The following SLC10A7 variants were observed in gnomAD, a reference collection of about 807,000 sequenced individuals.
The protein encoded by SLC10A7 is sodium/bile acid cotransporter 7.
A neutral mutation model predicts 43.2 loss-of-function variants in SLC10A7; 29 were observed. That is an observed-to-expected ratio of 0.67 (90% CI 0.50 to 0.92). The LOEUF is 0.92. SLC10A7 is among the 40% of genes least tolerant of loss of function. The pLI is 0.00. For missense variants in SLC10A7, 295 were observed against 403.2 expected, an observed-to-expected ratio of 0.73 and a Z score of 2.30; for synonymous variants, 152 against 144.8, an observed-to-expected ratio of 1.05 and a Z score of -0.35.
intron 4 of SLC10A7, among the ~76,000 whole-genome samples, chr4:146,467,890 T>A (rs1314487568): frequency 2.6e-5 from 4 of 152,158 alleles, no homozygotes; most frequent in African/African-American, 9.7e-5. Context: ...TGATTCAGCC[T>A]CCTGGATCTA....
chr4:146,461,170 A>T (rs1428640461), intron 4 of SLC10A7, among the ~76,000 whole-genome samples: 1 of 152,060 alleles, frequency 6.6e-6, no homozygotes, highest in Non-Finnish European at 1.5e-5. Context: ...TAAAGATGGT[A>T]AGGATTTCAT....
intron 4 of SLC10A7, among the ~76,000 whole-genome samples, chr4:146,445,440 C>A (rs986264467): frequency 5.9e-5 from 9 of 152,136 alleles, no homozygotes; most frequent in African/African-American, 1.9e-4. Context: ...TGTGCAGACC[C>A]GCGGCAGTGT....
chr4:146,301,481 G>C (rs983579869), intron 7 of SLC10A7, among the ~76,000 whole-genome samples: 1 of 152,200 alleles, frequency 6.6e-6, no homozygotes, highest in Non-Finnish European at 1.5e-5. Flanking sequence ...AGTTTTTAAG[G>C]AGAGGAATAA....
chr4:146,293,349 A>C (rs1257653435), intron 8 of SLC10A7, among the ~76,000 whole-genome samples: 1 of 152,228 alleles, frequency 6.6e-6, no homozygotes, highest in South Asian at 2.1e-4. Context: ...TTGATATTAC[A>C]ACATTAGTAA....
chr4:146,274,957 A>G (rs1186301660), intron 10 of SLC10A7, among the ~76,000 whole-genome samples: 1 of 152,178 alleles, frequency 6.6e-6, no homozygotes, highest in Admixed American at 6.5e-5. Context: ...AAATGCACCT[A>G]CACAAAACCT....
intron 5 of SLC10A7, among the ~76,000 whole-genome samples, chr4:146,391,652 T>A (rs1738437953): frequency 6.6e-6 from 1 of 152,192 alleles, no homozygotes; most frequent in South Asian, 2.1e-4. Context: ...GGTCAATACA[T>A]CTTCTCTAAA....
intron 3 of SLC10A7, among the ~76,000 whole-genome samples, chr4:146,507,113 C>G (rs145341544): frequency 3.9e-5 from 6 of 152,168 alleles, no homozygotes; most frequent in Admixed American, 3.3e-4. Flanking sequence ...AGTTACCATG[C>G]TGTACAATAG....
At chr4:146,439,929 T>C (rs1449870270) in intron 5 of SLC10A7, among the ~76,000 whole-genome samples, 4 of 152,176 alleles carry the variant, frequency 2.6e-5, no homozygotes, top group African/African-American at 7.2e-5. Flanking sequence ...CAATTTGGAA[T>C]TTCACTCCTC....
Position 146,410,958 on chromosome 4 carries a change from C to T in SLC10A7, c.435+31825G>A, listed in dbSNP as rs542535814. ...AAGCAATTCTCCTGCCTCAACCTCCCGAGTAATTGGAATTACATGAGCCAC... is the reference window on the plus strand; with the variant it reads ...AAGCAATTCTCCTGCCTCAACCTCCTGAGTAATTGGAATTACATGAGCCAC... On this transcript the variant is annotated intron_variant, in intron 5 of 11. Coordinates refer to ENST00000335472, the MANE Select transcript of SLC10A7 (RefSeq NM_001029998.6). 3.9e-5 allele frequency among the ~76,000 whole-genome samples: 6 copies of T among 152,140 alleles called. No homozygotes were observed. The South Asian group carries it at 6.2e-4, about 16-fold the overall frequency.
At chr4:146,379,431 T>G (rs1737442106) in intron 5 of SLC10A7, among the ~76,000 whole-genome samples, 1 of 152,296 alleles carries the variant, frequency 6.6e-6, no homozygotes, top group South Asian at 2.1e-4. Context: ...AAATAAGACC[T>G]CCAATAAAAA....
intron 4 of SLC10A7, among the ~76,000 whole-genome samples, chr4:146,472,864 T>TA (rs1733696348): frequency 6.6e-6 from 1 of 152,218 alleles, no homozygotes; most frequent in African/African-American, 2.4e-5. Context: ...TATTGCCTTT[T>TA]AACTTTTTAA....
chr4:146,325,157 T>G (rs1395619183), intron 6 of SLC10A7, among the ~76,000 whole-genome samples: 2 of 152,210 alleles, frequency 1.3e-5, no homozygotes, highest in Non-Finnish European at 2.9e-5. Context: ...TACATTACAT[T>G]CCCAGAAACA....
intron 5 of SLC10A7, among the ~76,000 whole-genome samples, chr4:146,352,936 A>G (rs1341550690): frequency 7.0e-6 from 1 of 142,942 alleles, no homozygotes; most frequent in Admixed American, 7.0e-5. Flanking sequence ...AGAAAGCAGG[A>G]AAGATCCAAA....
chr4:146,443,210 T>C (rs978659563), intron 4 of SLC10A7, among the ~76,000 whole-genome samples: 3 of 92,138 alleles, frequency 3.3e-5, no homozygotes, highest in African/African-American at 1.6e-4. Context: ...AAAAACAGAA[T>C]TGTAAGACAA....
rs553678264 is a variant in SLC10A7, at chr4:146,328,870, G to C, written c.436-2874C>G. 2.6e-5 allele frequency among the ~76,000 whole-genome samples: 4 copies of C among 152,242 alleles called. No homozygotes were observed. The South Asian group carries it at 8.3e-4, about 32-fold the overall frequency. On this transcript the variant is annotated intron_variant, in intron 5 of 11. Transcript: ENST00000335472. ...TAAAATTGGAAGAAGCAACTGTTAT[G>C]CTAGATGTGCAGTAAGGACAAAAAA...
At chr4:146,425,544 C>T (rs1391129039) in intron 5 of SLC10A7, among the ~76,000 whole-genome samples, 3 of 152,098 alleles carry the variant, frequency 2.0e-5, no homozygotes, top group Admixed American at 6.5e-5. Flanking sequence ...TTGGTCAGCG[C>T]AACTATAGAC....
intron 5 of SLC10A7, among the ~76,000 whole-genome samples, chr4:146,382,843 A>G (rs1737727287): frequency 6.6e-6 from 1 of 151,514 alleles, no homozygotes; most frequent in Non-Finnish European, 1.5e-5. Flanking sequence ...AAAATCCAAA[A>G]CTCAATCTTG....
intron 3 of SLC10A7, among the ~76,000 whole-genome samples, chr4:146,505,176 T>C (rs1736784040): frequency 6.6e-6 from 1 of 152,158 alleles, no homozygotes; most frequent in African/African-American, 2.4e-5. Context: ...ATACAAGAAT[T>C]TCTTCTGCTT....
At chr4:146,503,087 T>A (rs1245175621) in intron 4 of SLC10A7, among the ~76,000 whole-genome samples, 1 of 152,236 alleles carries the variant, frequency 6.6e-6, no homozygotes, top group Non-Finnish European at 1.5e-5. Context: ...GTACTCAATA[T>A]TTTTGGAAAG....
Sources: gnomAD v4.1 joint callset for allele counts (sites outside exome capture counted in the v4.1 genomes callset) on GRCh38, gnomAD v4.1.1 for gene constraint, MANE v1.5 for transcripts, NCBI Gene and HGNC (gene_info 2026-07-23, HGNC 2026-07-21) for gene names.